AKAP13: variants seen among roughly 807,000 people sequenced by gnomAD.
The protein encoded by AKAP13 is A-kinase anchoring protein 13, also known as A-kinase anchor protein 13.
AKAP13 carries 80 observed loss-of-function variants against 264.5 expected under a neutral mutation model. That is an observed-to-expected ratio of 0.30 (90% CI 0.25 to 0.36). The LOEUF (loss-of-function observed/expected upper bound fraction) is 0.36. Among genes scored for constraint, AKAP13 ranks in the 10% least tolerant of loss-of-function variants. The pLI is 1.00. For synonymous variants in AKAP13, 1,380 were observed against 1,250.2 expected (o/e 1.10, Z -2.19); for missense variants, 3,712 against 3,435.2 (o/e 1.08, Z -2.01).
In AKAP13 at chr15:85,579,628, C is replaced by A. The variant is rs377334598; in HGVS notation, c.1560C>A (p.Asp520Glu). The change falls in exon 7 of 37, where the codon GAC (aspartate) becomes GAA (glutamate). Residue 520 changes from aspartate (D) to glutamate (E), a missense_variant. Asp to Glu is a conservative substitution (Grantham distance 45). Transcript: ENST00000394518. ...ATATTGGCACAGCTGGAGCCTCTGA[C>A]GTGCACGTCACAAGTAAGCCTGTGG... Reference protein sequence around the residue: ...NSNIGTAGASDVHVTSKPVDK... With the variant: ...NSNIGTAGASEVHVTSKPVDK... 1 of 1,614,064 alleles carries A rather than the reference C, an allele frequency of 6.2e-7. No homozygotes were observed. Among genetic ancestry groups the A allele is most frequent in the Non-Finnish European group, 8.5e-7 (1 of 1,180,042 alleles).
Position 85,722,273 on chromosome 15 carries a change from A to G in AKAP13, c.6422A>G (p.Glu2141Gly). Reference sequence around the variant, plus strand: ...GTTGTTAGAAGGCTTGGAATTCCAGAGTGCATATTGCTTGTAACTCAGCGG... The same window carrying G: ...GTTGTTAGAAGGCTTGGAATTCCAGGGTGCATATTGCTTGTAACTCAGCGG... ...SSVVRRLGIP[E>G]CILLVTQRIT... is the part of the protein sequence containing the mutation. The change falls in exon 25 of 37, where the codon GAG becomes GGG. Residue 2141 changes from glutamate (E) to glycine (G), a missense_variant. Around this residue, in one of 3 missense-constraint regions of AKAP13, gnomAD observed 342 missense variants for 484.3 expected, o/e 0.71. Transcript: ENST00000394518. 1 of 1,613,898 alleles carries G rather than the reference A, an allele frequency of 6.2e-7. No individual in the cohort carries two copies. The highest frequency in any genetic ancestry group is 8.5e-7 in the Non-Finnish European group (1 of 1,179,892).
In AKAP13 at chr15:85,643,691, A is replaced by G. The variant is rs140142716; in HGVS notation, c.4238-2127A>G. Among the ~76,000 whole-genome samples, 52 of 152,218 alleles carry G rather than the reference A, an allele frequency of 3.4e-4. No homozygotes were observed. The East Asian group carries it at 3.5e-3, about 10-fold the overall frequency. On this transcript the variant is annotated intron_variant, in intron 9 of 36. Transcript: ENST00000394518. ...CATTACTTTATAGGCCACCCAACCT[A>G]TTGCTAAGAAGCCCCGTTTTAGTGA...
At chr15:85,654,031 A>G (rs2082987039) in intron 10 of AKAP13, among the ~76,000 whole-genome samples, 1 of 152,176 alleles carries the variant, frequency 6.6e-6, no homozygotes, top group African/African-American at 2.4e-5. Context: ...GTATGTTTCA[A>G]CAAGTAGAAA....
chr15:85,736,803 A>C (rs1283793014), intron 33 of AKAP13, among the ~76,000 whole-genome samples: 2 of 151,970 alleles, frequency 1.3e-5, no homozygotes, highest in Admixed American at 1.3e-4. Context: ...CCTTTTCTCT[A>C]TCACAAGCCT....
intron 1 of AKAP13, among the ~76,000 whole-genome samples, chr15:85,400,876 T>TA (rs2071391358): frequency 2.0e-3 from 91 of 45,482 alleles, no homozygotes; most frequent in Middle Eastern, 0.02. Context: ...ATATATATAT[T>TA]TTTTTTTTTT....
At chr15:85,450,795 A>G (rs942629897) in intron 1 of AKAP13, among the ~76,000 whole-genome samples, 2 of 152,176 alleles carry the variant, frequency 1.3e-5, no homozygotes, top group Non-Finnish European at 2.9e-5. Context: ...ATTTTAGAGT[A>G]TGTGCCATGT....
chr15:85,713,283 T>A (rs1314794410), intron 19 of AKAP13, among the ~76,000 whole-genome samples: 2 of 152,206 alleles, frequency 1.3e-5, no homozygotes, highest in South Asian at 2.1e-4. Flanking sequence ...GCCCTTTCAC[T>A]GATTCCTTCT....
chr15:85,509,594 T>A (rs1320914901), intron 2 of AKAP13, among the ~76,000 whole-genome samples: 2 of 152,204 alleles, frequency 1.3e-5, no homozygotes, highest in Admixed American at 6.5e-5. Flanking sequence ...TGACCGTGCC[T>A]TATGAATTTG....
At chr15:85,601,786 C>T (rs1040546852) in intron 8 of AKAP13, among the ~76,000 whole-genome samples, 16 of 151,872 alleles carry the variant, frequency 1.1e-4, no homozygotes, top group Non-Finnish European at 1.8e-4. Context: ...GAAATGTTTA[C>T]TGTATTAGAA....
intron 8 of AKAP13, among the ~76,000 whole-genome samples, chr15:85,592,609 A>G (rs990255645): frequency 2.6e-5 from 4 of 152,352 alleles, no homozygotes; most frequent in East Asian, 1.9e-4. Flanking sequence ...TAAGAGAGGC[A>G]GGCTCTCCTT....
At chr15:85,505,729 A>C (rs187689259) in intron 2 of AKAP13, among the ~76,000 whole-genome samples, 1 of 152,302 alleles carries the variant, frequency 6.6e-6, no homozygotes, top group East Asian at 1.9e-4. Flanking sequence ...TTTGTTGGCT[A>C]GTTTCAAGAA....
intron 5 of AKAP13, among the ~76,000 whole-genome samples, chr15:85,572,707 A>G (rs1209430881): frequency 6.6e-6 from 1 of 152,116 alleles, no homozygotes; most frequent in Admixed American, 6.5e-5. Flanking sequence ...TCTGGGATGC[A>G]TGTGTAGAAC....
At chr15:85,556,407 C>T (rs549689650) in intron 5 of AKAP13, among the ~76,000 whole-genome samples, 17 of 152,160 alleles carry the variant, frequency 1.1e-4, no homozygotes, top group Non-Finnish European at 1.5e-4. Flanking sequence ...AATTTTCCAG[C>T]TGCATTATAA....
chr15:85,543,738 C>T (rs781723573), intron 4 of AKAP13, 34 bp from the exon 5 acceptor site: 2 of 1,562,656 alleles, frequency 1.3e-6, no homozygotes, highest in East Asian at 4.5e-5. Context: ...TTTATATTTT[C>T]CTCACTTACG....
chr15:85,565,406 T>G (rs1333543856), intron 5 of AKAP13, among the ~76,000 whole-genome samples: 1 of 152,232 alleles, frequency 6.6e-6, no homozygotes, highest in East Asian at 1.9e-4. Flanking sequence ...AACCAGAATT[T>G]CTAGTGCATT....
At chr15:85,721,665 CTGTT>C (rs1238616820) in intron 23 of AKAP13, among the ~76,000 whole-genome samples, 1 of 152,226 alleles carries the variant, frequency 6.6e-6, no homozygotes, top group Non-Finnish European at 1.5e-5. Context: ...TTTTATTACT[CTGTT>C]TATGACAAAT....
At chr15:85,610,091 G>T (rs1337555428) in intron 8 of AKAP13, among the ~76,000 whole-genome samples, 1 of 152,136 alleles carries the variant, frequency 6.6e-6, no homozygotes. Flanking sequence ...AATATTTGCT[G>T]AATGGGTAAA....
Position 85,684,760 on chromosome 15 carries a change from A to C in AKAP13, c.5176A>C (p.Asn1726His). The C allele has an allele frequency of 6.2e-7, 1 of 1,613,050 alleles. No homozygotes were observed. Among genetic ancestry groups the C allele is most frequent in the African/African-American group, 1.3e-5 (1 of 75,042 alleles). Residue 1726 changes from asparagine to histidine, a missense_variant, in exon 16 of 37, where the codon AAT becomes CAT. Coordinates refer to ENST00000394518, the MANE Select transcript of AKAP13 (RefSeq NM_007200.5). ...ATTTAGTATAACAGAAGAGAACTAT[A>C]ATTTCCTGCCACATAGCCCCTCCAA... Reference protein sequence around the residue: ...LTESITEENYNFLPHSPSKKD... With the variant: ...LTESITEENYHFLPHSPSKKD...
chr15:85,578,856 A>T, intron 6 of AKAP13, 74 bp from the exon 7 acceptor site: 1 of 1,434,978 alleles, frequency 7.0e-7, no homozygotes, highest in Non-Finnish European at 9.6e-7. Flanking sequence ...GTCCAACAGA[A>T]TTTTTGCTCA....
Sources: gnomAD v4.1 joint callset for allele counts (sites outside exome capture counted in the v4.1 genomes callset) on GRCh38, gnomAD v4.1.1 for gene constraint, gnomAD v4.1.1 regional missense constraint, MANE v1.5 for transcripts, NCBI Gene and HGNC (gene_info 2026-07-23, HGNC 2026-07-21) for gene names.